The following MRPL35 variants were observed in gnomAD, a reference collection of about 807,000 sequenced individuals.
MRPL35 encodes large ribosomal subunit protein bL35m.
Under a neutral mutation model 21.6 loss-of-function variants are expected in MRPL35, and 18 were observed. That is an observed-to-expected ratio of 0.83 (90% CI 0.58 to 1.24). MRPL35 has a LOEUF of 1.24. Among genes scored for constraint, MRPL35 ranks in the 50% most tolerant of loss-of-function variants. The pLI, the probability that MRPL35 is intolerant of heterozygous loss-of-function variation, is 0.00. For missense variants in MRPL35, 223 were observed against 223.2 expected (o/e 1.00, Z 0.01); for synonymous variants, 87 against 86.9 (o/e 1.00, Z -0.01).
chr2:86,213,630 A>ACT lies in MRPL35; in HGVS notation c.*2964_*2965dup, dbSNP rs1455396523. 1 of 1,550,396 alleles carries ACT rather than the reference A, an allele frequency of 6.4e-7. No individual in the cohort carries two copies. Among genetic ancestry groups the ACT allele is most frequent in the Non-Finnish European group, 8.7e-7 (1 of 1,146,894 alleles). On this transcript the variant is annotated 3_prime_UTR_variant, in exon 4 of 4. Transcript: ENST00000337109. Reference sequence around the variant, plus strand: ...CCACCCTGTTGTCACCTGCACAGGCACTCCCCCATTTGCAGATGAAGAAAT... The same window carrying ACT: ...CCACCCTGTTGTCACCTGCACAGGCACTCTCCCCCATTTGCAGATGAAGAAAT...
rs1032220519 is a variant in MRPL35, at chr2:86,199,591, G to A, written c.43+58G>A. On this transcript the variant is annotated intron_variant, in intron 1 of 3. Coordinates refer to ENST00000337109, the MANE Select transcript of MRPL35 (RefSeq NM_016622.4). ...TTCACAGAAGGGGAAACTGGTGCGGGATGGAATGGGCGTTTAGACTGGAGG... is the reference window on the plus strand; with the variant it reads ...TTCACAGAAGGGGAAACTGGTGCGGAATGGAATGGGCGTTTAGACTGGAGG... 7 of 1,599,332 alleles carry A rather than the reference G, an allele frequency of 4.4e-6. No homozygotes were observed. In the African/African-American group the frequency reaches 8.0e-5, roughly 18 times the overall value.
In MRPL35 at chr2:86,210,575, A is replaced by G. The variant is rs771289110; in HGVS notation, c.474A>G (p.Leu158=). ...GCAATAAAACCCAGAGTAAACTCTT[A>G]GATAAAATGACGACGTCCTTCTGGA... ...VFCNKTQSKL[L]DKMTTSFWKR... is the part of the protein sequence containing the mutation. Residue 158 remains leucine (L), a synonymous_variant, in exon 4 of 4, where the codon TTA becomes TTG. Transcript: ENST00000337109. 1.9e-6 allele frequency: 3 copies of G among 1,614,020 alleles called. No homozygotes were observed. The African/African-American group carries it at 4.0e-5, about 22-fold the overall frequency.
At chr2:86,206,378 G>A in intron 2 of MRPL35, 83 bp downstream of exon 2, 6 of 1,339,878 alleles carry the variant, frequency 4.5e-6, no homozygotes, top group Non-Finnish European at 6.2e-6. Context: ...TGTTGCCCAG[G>A]CCAGAGTGCA....
At chr2:86,208,416 C>T (rs569116653) in intron 3 of MRPL35, among the ~76,000 whole-genome samples, 124 of 152,140 alleles carry the variant, frequency 8.2e-4, no homozygotes, top group African/African-American at 2.9e-3. Flanking sequence ...AGGCCATTCT[C>T]CTGCCTCAGC....
At chr2:86,199,746 C>T (rs1237967664) in intron 1 of MRPL35, among the ~76,000 whole-genome samples, 1 of 152,204 alleles carries the variant, frequency 6.6e-6, no homozygotes, top group East Asian at 1.9e-4. Context: ...CACGCATTTG[C>T]CGCTTCCTTA....
chr2:86,208,270 A>C (rs1002827813), intron 3 of MRPL35, among the ~76,000 whole-genome samples: 1 of 151,290 alleles, frequency 6.6e-6, no homozygotes, highest in Admixed American at 6.6e-5. Flanking sequence ...ATTTGAGACC[A>C]CTGGAAACAT....
Position 86,210,748 on chromosome 2 carries a change from A to G in MRPL35, c.*80A>G. The stretch of plus-strand genomic sequence containing the variant: ...CTTTGCAAAAATGGATAAGTACAAA[A>G]CTTGATGTAAATTGTACCAATGAAT... On this transcript the variant is annotated 3_prime_UTR_variant, in exon 4 of 4. Coordinates refer to ENST00000337109, the MANE Select transcript of MRPL35 (RefSeq NM_016622.4). 1 of 1,472,896 alleles carries G rather than the reference A, an allele frequency of 6.8e-7. No individual in the cohort carries two copies. The highest frequency in any genetic ancestry group is 9.0e-7 in the Non-Finnish European group (1 of 1,107,560). 91.2% of individuals were successfully genotyped at this position (1,472,896 alleles called of 1,614,324 possible).
At position 86,211,515 on chromosome 2, in the gene MRPL35, A is replaced by G. The variant is rs911380912; in HGVS notation, c.*847A>G. On this transcript the variant is annotated 3_prime_UTR_variant, in exon 4 of 4. Coordinates refer to ENST00000337109, the MANE Select transcript of MRPL35 (RefSeq NM_016622.4). ...GGGGTGGCAGCACACTTAACATCTA[A>G]CACACCAGGTTCATTGTGTTCATAA... The G allele has an allele frequency of 2.0e-6, 2 of 985,332 alleles. No homozygotes were observed. The highest frequency in any genetic ancestry group is 3.5e-5 in the African/African-American group (2 of 57,224). 61.0% of individuals were successfully genotyped at this position (985,332 alleles called of 1,614,324 possible).
Position 86,213,713 on chromosome 2 carries a change from G to C in MRPL35, c.*3045G>C. On this transcript the variant is annotated 3_prime_UTR_variant, in exon 4 of 4. Transcript: ENST00000337109. ...TGTTTGCACAATTGAAACTCTACCA[G>C]TGGACTATTCTATTTTCACAGCTAC... is the stretch of plus-strand genomic sequence containing the variant. 1 of 1,528,864 alleles carries C rather than the reference G, an allele frequency of 6.5e-7. No homozygotes were observed. Among genetic ancestry groups the C allele is most frequent in the Non-Finnish European group, 8.9e-7 (1 of 1,128,172 alleles). 94.7% of individuals were successfully genotyped at this position (1,528,864 alleles called of 1,614,324 possible). A position where few individuals can be genotyped will look rare whatever the true frequency, so the allele number is the denominator to read the frequency against.
chr2:86,212,890 T>C lies in MRPL35; in HGVS notation c.*2222T>C. Reference sequence around the variant, plus strand: ...AATTTATAAAATATTTATGTATAGTTTGTTTATTCAGGTATATGTATAATT... The same window carrying C: ...AATTTATAAAATATTTATGTATAGTCTGTTTATTCAGGTATATGTATAATT... On this transcript the variant is annotated 3_prime_UTR_variant, in exon 4 of 4. Coordinates refer to ENST00000337109, the MANE Select transcript of MRPL35 (RefSeq NM_016622.4). The C allele has an allele frequency of 1.2e-6, 1 of 860,984 alleles. No individual in the cohort carries two copies. The highest frequency in any genetic ancestry group is 1.4e-6 in the Non-Finnish European group (1 of 716,186). 53.3% of individuals were successfully genotyped at this position (860,984 alleles called of 1,614,324 possible). A position where few individuals can be genotyped will look rare whatever the true frequency, so the allele number is the denominator to read the frequency against.
Position 86,212,447 on chromosome 2 carries a change from A to ACC in MRPL35, c.*1779_*1780insCC. The stretch of plus-strand genomic sequence containing the variant: ...TGAGACGGCAAAGCCAACCACTTAG[A>ACC]AGCCTTCCACATCTTTGTCACCTGC... On this transcript the variant is annotated 3_prime_UTR_variant, in exon 4 of 4. Coordinates refer to ENST00000337109, the MANE Select transcript of MRPL35 (RefSeq NM_016622.4). 6.2e-7 allele frequency: 1 copy of ACC among 1,613,804 alleles called. No homozygotes were observed. Among genetic ancestry groups the ACC allele is most frequent in the Non-Finnish European group, 8.5e-7 (1 of 1,179,832 alleles).
chr2:86,207,970 G>C (rs1211527301), intron 3 of MRPL35, among the ~76,000 whole-genome samples: 1 of 152,194 alleles, frequency 6.6e-6, no homozygotes, highest in African/African-American at 2.4e-5. Context: ...TTTAGTAACT[G>C]CCCAAATCCT....
chr2:86,206,189 A>T lies in MRPL35; in HGVS notation c.127A>T (p.Thr43Ser). 6.2e-7 allele frequency: 1 copy of T among 1,613,872 alleles called. No individual in the cohort carries two copies. The highest frequency in any genetic ancestry group is 8.5e-7 in the Non-Finnish European group (1 of 1,179,768). ...TGCCTCTCTTATTTCTGCATTGTCC[A>T]CTGGACGTTTTAGTCATATTCAGAC... ...KNASLISALS[T>S]GRFSHIQTPV... The change falls in exon 2 of 4, where the codon ACT becomes TCT. Residue 43 changes from threonine to serine, a missense_variant. Transcript: ENST00000337109.
chr2:86,207,638 A>T (rs1673829550), intron 3 of MRPL35, among the ~76,000 whole-genome samples: 1 of 152,152 alleles, frequency 6.6e-6, no homozygotes, highest in African/African-American at 2.4e-5. Flanking sequence ...CGTCTCAAAA[A>T]AGAAAAGAAA....
chr2:86,211,912 A>C lies in MRPL35; in HGVS notation c.*1244A>C, dbSNP rs1673908515. ...ATCATTGTAGAAACTAAGGGGGAGA[A>C]AGTAATCTCAGTTGTTTTAGAAACG... On this transcript the variant is annotated 3_prime_UTR_variant, in exon 4 of 4. Transcript: ENST00000337109. 1 of 985,536 alleles carries C rather than the reference A, an allele frequency of 1.0e-6. No homozygotes were observed. The highest frequency in any genetic ancestry group is 6.1e-5 in the Admixed American group (1 of 16,272). 61.0% of individuals were successfully genotyped at this position (985,536 alleles called of 1,614,324 possible). A position where few individuals can be genotyped will look rare whatever the true frequency, so the allele number is the denominator to read the frequency against.
chr2:86,212,997 C>G lies in MRPL35; in HGVS notation c.*2329C>G. On this transcript the variant is annotated 3_prime_UTR_variant, in exon 4 of 4. Transcript: ENST00000337109. ...CTAACTGCTAATCCACATTTCCAGT[C>G]TTACAAAGGACATAATGATTAGTTA... is the stretch of plus-strand genomic sequence containing the variant. 1 of 751,380 alleles carries G rather than the reference C, an allele frequency of 1.3e-6. No homozygotes were observed. Among genetic ancestry groups the G allele is most frequent in the Middle Eastern group, 6.8e-4 (1 of 1,468 alleles). The allele number at this position is 751,380 out of a possible 1,614,324, so 46.5% of individuals were successfully genotyped here.
rs1411194793 is a variant in MRPL35 at position 86,212,536 on chromosome 2, G to A, written c.*1868G>A. The A allele has an allele frequency of 6.3e-7, 1 of 1,593,650 alleles. No homozygotes were observed. The highest frequency in any genetic ancestry group is 2.3e-5 in the East Asian group (1 of 44,364). On this transcript the variant is annotated 3_prime_UTR_variant, in exon 4 of 4. Coordinates refer to ENST00000337109, the MANE Select transcript of MRPL35 (RefSeq NM_016622.4). Reference sequence around the variant, plus strand: ...TGGAAATGGTGCCTGCAGAAGTTGGGGAGAAGGATACTTTTGCACAGCCTC... The same window carrying A: ...TGGAAATGGTGCCTGCAGAAGTTGGAGAGAAGGATACTTTTGCACAGCCTC...
chr2:86,209,254 T>C (rs1306663109), intron 3 of MRPL35, among the ~76,000 whole-genome samples: 1 of 152,224 alleles, frequency 6.6e-6, no homozygotes, highest in Non-Finnish European at 1.5e-5. Context: ...ACTGTCCTTA[T>C]AGAAGTTGAT....
chr2:86,203,153 C>T (rs1429454135), intron 1 of MRPL35, among the ~76,000 whole-genome samples: 3 of 150,176 alleles, frequency 2.0e-5, no homozygotes, highest in African/African-American at 4.9e-5. Context: ...AATCTCAGCT[C>T]ACTGCAAGCT....
Sources: gnomAD v4.1 joint callset for allele counts (sites outside exome capture counted in the v4.1 genomes callset) on GRCh38, gnomAD v4.1.1 for gene constraint, MANE v1.5 for transcripts, NCBI Gene and HGNC (gene_info 2026-07-23, HGNC 2026-07-21) for gene names.